Variants in SSH2 observed in about 807,000 individuals in gnomAD.
SSH2 encodes protein phosphatase Slingshot homolog 2.
Under a neutral mutation model 135.2 loss-of-function variants are expected in SSH2, and 37 were observed. The observed-to-expected ratio is 0.27, with a 90% CI of 0.21 to 0.36. The LOEUF (loss-of-function observed/expected upper bound fraction) is 0.36, where lower values mean the gene tolerates loss of function less well. SSH2 is among the 10% of genes least tolerant of loss of function. The probability of loss-of-function intolerance (pLI) is 1.00; values close to 1 mark genes in which losing one functional copy is unlikely to be tolerated. For missense variants in SSH2, 1,408 were observed against 1,765.3 expected, an observed-to-expected ratio of 0.80 and a Z score of 3.63; for synonymous variants, 628 against 646.2, an observed-to-expected ratio of 0.97 and a Z score of 0.43.
intron 3 of SSH2, among the ~76,000 whole-genome samples, chr17:29,705,676 C>A (rs1437226804): frequency 6.6e-6 from 1 of 152,200 alleles, no homozygotes; most frequent in African/African-American, 2.4e-5. Flanking sequence ...CAGGACTACT[C>A]CTCTGATCTT....
chr17:29,744,902 T>TGTGTGTGTG (rs60678633), intron 3 of SSH2, among the ~76,000 whole-genome samples: 5 of 148,870 alleles, frequency 3.4e-5, no homozygotes, highest in Admixed American at 1.3e-4. Flanking sequence ...TGTGTGTGTG[T>TGTGTGTGTG]TTAAATAAAC....
At chr17:29,694,852 C>T (rs1174247036) in intron 5 of SSH2, among the ~76,000 whole-genome samples, 4 of 152,136 alleles carry the variant, frequency 2.6e-5, no homozygotes, top group African/African-American at 4.8e-5. Context: ...GTTTTCTAGT[C>T]TCTATCTTCC....
intron 3 of SSH2, among the ~76,000 whole-genome samples, chr17:29,753,173 C>A (rs555396659): frequency 7.8e-4 from 118 of 152,154 alleles, no homozygotes; most frequent in African/African-American, 2.8e-3. Flanking sequence ...CTCAGTCACC[C>A]GGGCTGGAGT....
At chr17:29,861,167 C>T (rs1268561898) in intron 1 of SSH2, among the ~76,000 whole-genome samples, 1 of 152,132 alleles carries the variant, frequency 6.6e-6, no homozygotes, top group African/African-American at 2.4e-5. Context: ...TTCTCCCATT[C>T]TACAGGTTGT....
chr17:29,828,053 A>G (rs2042776967), intron 2 of SSH2, among the ~76,000 whole-genome samples: 1 of 152,160 alleles, frequency 6.6e-6, no homozygotes, highest in Admixed American at 6.6e-5. Context: ...GTAACAGAAA[A>G]GGCAGCCATG....
intron 3 of SSH2, among the ~76,000 whole-genome samples, chr17:29,704,897 T>A (rs1475446927): frequency 2.0e-5 from 3 of 152,146 alleles, no homozygotes; most frequent in African/African-American, 7.2e-5. Flanking sequence ...TAATAGAGGA[T>A]TCTAAATTGC....
intron 3 of SSH2, among the ~76,000 whole-genome samples, chr17:29,725,140 G>A (rs1208383812): frequency 6.6e-6 from 1 of 151,210 alleles, no homozygotes; most frequent in Non-Finnish European, 1.5e-5. Flanking sequence ...GAGGTTAGGA[G>A]ATCGAGACCA....
In SSH2 at chr17:29,632,610, T is replaced by C. The variant is rs779218334; in HGVS notation, c.2584A>G (p.Ile862Val). ...PEGCLTTHSSIADLEEGEPAE... is the reference protein window; with the variant it reads ...PEGCLTTHSSVADLEEGEPAE... ...GGTTCCCCTTCTTCCAAGTCTGCTA[T>C]AGATGAGTGTGTGGTTAGGCAGCCT... The change falls in exon 16 of 16, where the codon ATA (isoleucine) becomes GTA (valine). Residue 862 changes from isoleucine (I) to valine (V), a missense_variant. Transcript: ENST00000540801. 3.1e-6 allele frequency: 5 copies of C among 1,614,098 alleles called. No homozygotes were observed. The highest frequency in any genetic ancestry group is 4.5e-5 in the East Asian group (2 of 44,896).
chr17:29,845,338 C>A (rs2043113701), intron 2 of SSH2, among the ~76,000 whole-genome samples: 1 of 151,900 alleles, frequency 6.6e-6, no homozygotes, highest in Admixed American at 6.6e-5. Flanking sequence ...CTTCAAATTA[C>A]AAAGAAGCTC....
intron 1 of SSH2, among the ~76,000 whole-genome samples, chr17:29,893,157 A>G (rs754125927): frequency 1.3e-5 from 2 of 151,930 alleles, no homozygotes; most frequent in Non-Finnish European, 2.9e-5. Flanking sequence ...TCACCTCCTC[A>G]ATACATCTGA....
chr17:29,683,922 T>C (rs2038095196), intron 6 of SSH2, among the ~76,000 whole-genome samples: 1 of 152,124 alleles, frequency 6.6e-6, no homozygotes, highest in South Asian at 2.1e-4. Context: ...CACTTCAGCC[T>C]GGGCAGCAGA....
At chr17:29,760,884 C>A (rs1328863746) in intron 3 of SSH2, among the ~76,000 whole-genome samples, 2 of 152,164 alleles carry the variant, frequency 1.3e-5, no homozygotes, top group African/African-American at 4.8e-5. Flanking sequence ...ACAACCCGCA[C>A]TTTCAAAGTC....
chr17:29,896,394 T>G (rs2066445284), intron 1 of SSH2, among the ~76,000 whole-genome samples: 1 of 140,764 alleles, frequency 7.1e-6, no homozygotes, highest in Non-Finnish European at 1.6e-5. Flanking sequence ...ATTTCATGTA[T>G]AAAATGTATT....
intron 14 of SSH2, 158 bp downstream of exon 14, chr17:29,647,986 T>C: frequency 1.4e-6 from 1 of 735,772 alleles, no homozygotes; most frequent in Non-Finnish European, 2.2e-6. Flanking sequence ...CTTAAATGCT[T>C]ACACTTATGT....
intron 1 of SSH2, among the ~76,000 whole-genome samples, chr17:29,854,714 G>A (rs1400290578): frequency 5.3e-5 from 8 of 151,966 alleles, no homozygotes; most frequent in Non-Finnish European, 7.4e-5. Context: ...TTGGGAGGCC[G>A]AGGCGGGTGG....
intron 4 of SSH2, 37 bp downstream of exon 4, chr17:29,702,922 G>C: frequency 6.9e-7 from 1 of 1,447,842 alleles, no homozygotes; most frequent in Non-Finnish European, 9.7e-7. Flanking sequence ...AAAAGATATA[G>C]TTACCAAGAA....
chr17:29,780,564 A>G (rs1357550411), intron 3 of SSH2: 1 of 150,846 alleles, frequency 6.6e-6, no homozygotes, highest in Non-Finnish European at 1.5e-5. Context: ...AGCAGGGATT[A>G]CAAGCGCGCG....
chr17:29,913,347 A>AAAAATATAT, intron 1 of SSH2, among the ~76,000 whole-genome samples: 1 of 28,774 alleles, frequency 3.5e-5, no homozygotes, highest in African/African-American at 1.2e-4. Flanking sequence ...AAAAAAAAAA[A>AAAAATATAT]ATATATATAT....
At chr17:29,726,720 T>C (rs1007177702) in intron 3 of SSH2, among the ~76,000 whole-genome samples, 4 of 152,220 alleles carry the variant, frequency 2.6e-5, no homozygotes, top group African/African-American at 7.2e-5. Context: ...ATAAAGAATG[T>C]TTTTTCTTTG....
Sources: gnomAD v4.1 joint callset for allele counts (sites outside exome capture counted in the v4.1 genomes callset) on GRCh38, gnomAD v4.1.1 for gene constraint, MANE v1.5 for transcripts, NCBI Gene and HGNC (gene_info 2026-07-23, HGNC 2026-07-21) for gene names.